Variants in SLC4A5 observed in about 807,000 individuals in gnomAD.
SLC4A5 encodes the protein solute carrier family 4 member 5.
In SLC4A5, 96 loss-of-function variants were observed where a neutral mutation model predicts 120.4. That is an observed-to-expected ratio of 0.80 (90% confidence interval 0.68 to 0.94). The LOEUF (loss-of-function observed/expected upper bound fraction) is 0.94, where lower values mean the gene tolerates loss of function less well. Ranked by LOEUF, SLC4A5 falls within the 40% of genes least tolerant of loss-of-function variation. The pLI is 0.00. For missense variants in SLC4A5, 1,259 were observed against 1,459.5 expected, an observed-to-expected ratio of 0.86 and a Z score of 2.24; for synonymous variants, 550 against 571.1, an observed-to-expected ratio of 0.96 and a Z score of 0.53.
intron 7 of SLC4A5, chr2:74,290,462 A>C: frequency 1.0e-6 from 1 of 985,508 alleles, no homozygotes; most frequent in Non-Finnish European, 1.2e-6. Context: ...GGAATGTGTG[A>C]AGGACTGGGG....
rs60945273 is a variant in SLC4A5 at position 74,220,841 on chromosome 2, C to CTT, written c.*33+591_*33+592dup. On this transcript the variant is annotated intron_variant, in intron 30 of 30. Transcript: ENST00000394019. ...TCTGTTTTCTGTCAATATTTCCTTT[C>CTT]TTTTTTTTTTTTTTTTTGAGATGGA... 7.2e-4 allele frequency among the ~76,000 whole-genome samples: 84 copies of CTT among 117,442 alleles called. 1 individual carries two copies. Among genetic ancestry groups the CTT allele is most frequent in the African/African-American group, 2.3e-3 (61 of 27,092 alleles). 77.0% of individuals were successfully genotyped at this position (117,442 alleles called of 152,430 possible). A position where few individuals can be genotyped will look rare whatever the true frequency, so the allele number is the denominator to read the frequency against.
At chr2:74,295,014 T>A (rs1223789533) in intron 7 of SLC4A5, among the ~76,000 whole-genome samples, 3 of 152,150 alleles carry the variant, frequency 2.0e-5, no homozygotes, top group Admixed American at 6.5e-5. Flanking sequence ...GACTGATAGA[T>A]GGTCTTTGTG....
chr2:74,294,563 T>C (rs999082349), intron 7 of SLC4A5, among the ~76,000 whole-genome samples: 3 of 152,152 alleles, frequency 2.0e-5, no homozygotes, highest in African/African-American at 7.2e-5. Flanking sequence ...AAGAGGGGTA[T>C]GGAGCCTAAT....
At chr2:74,227,114 T>C in exon 27 of SLC4A5, 1 of 1,612,744 alleles carries the variant, frequency 6.2e-7, no homozygotes, top group East Asian at 2.2e-5. Context: ...CAGGAAGAGC[T>C]TGCAGCGTTC....
intron 6 of SLC4A5, chr2:74,306,832 G>T: frequency 1.5e-6 from 1 of 656,406 alleles, no homozygotes. Flanking sequence ...CTGCTGTCCA[G>T]GGCATCACCA....
intron 25 of SLC4A5, among the ~76,000 whole-genome samples, chr2:74,230,180 G>A (rs79973837): frequency 6.6e-6 from 1 of 151,990 alleles, no homozygotes; most frequent in East Asian, 1.9e-4. Flanking sequence ...AAATAATATC[G>A]GCAAAAGGTT....
At chr2:74,302,342 C>T (rs761282675) in intron 7 of SLC4A5, among the ~76,000 whole-genome samples, 6 of 152,170 alleles carry the variant, frequency 3.9e-5, no homozygotes, top group Non-Finnish European at 8.8e-5. Flanking sequence ...AAGGGCTGGA[C>T]GTGGTGGCTC....
Position 74,278,297 on chromosome 2 carries a change from T to A in SLC4A5, c.401+7476A>T, listed in dbSNP as rs143233288. Among the ~76,000 whole-genome samples, 95 of 152,230 alleles carry A rather than the reference T, an allele frequency of 6.2e-4. 1 individual carries two copies. The highest frequency in any genetic ancestry group is 1.0e-3 in the Non-Finnish European group (71 of 67,982). ...TGAGTGCTCCAGTCCCTCCCATCTC[T>A]CCTCACTTAATTAGCCTTCCAATCT... On this transcript the variant is annotated intron_variant, in intron 8 of 30. Transcript: ENST00000394019.
At chr2:74,263,795 G>T (rs902883224) in intron 10 of SLC4A5, among the ~76,000 whole-genome samples, 3 of 152,212 alleles carry the variant, frequency 2.0e-5, no homozygotes, top group Admixed American at 1.3e-4. Context: ...AGAATCTCTT[G>T]GGGTGCATTC....
At chr2:74,218,255 CTA>C (rs1434830653) in exon 31 of SLC4A5, 1 of 151,880 alleles carries the variant, frequency 6.6e-6, no homozygotes, top group African/African-American at 2.4e-5. Flanking sequence ...TTGAGAACAT[CTA>C]TATTTAAATC....
intron 7 of SLC4A5, chr2:74,290,773 G>T (rs1222963155): frequency 1.0e-6 from 1 of 986,714 alleles, no homozygotes; most frequent in Non-Finnish European, 1.2e-6. Context: ...CAGCAGCAGG[G>T]GTGGTGGCAG....
chr2:74,217,761 C>G (rs1694489340), exon 31 of SLC4A5: 1 of 152,170 alleles, frequency 6.6e-6, no homozygotes, highest in Non-Finnish European at 1.5e-5. Flanking sequence ...CTGGGAAAGC[C>G]CCAGTCACAC....
intron 19 of SLC4A5, among the ~76,000 whole-genome samples, chr2:74,242,258 G>A (rs558990220): frequency 4.6e-5 from 7 of 152,344 alleles, no homozygotes; most frequent in Non-Finnish European, 1.0e-4. Context: ...TGACAGACCA[G>A]CTGGGCCAGG....
intron 12 of SLC4A5, 119 bp from the exon 13 acceptor site, chr2:74,256,051 G>T: frequency 9.0e-7 from 1 of 1,108,026 alleles, no homozygotes. Context: ...GTTGCCAAGA[G>T]ACTGAAAGAA....
chr2:74,250,686 G>A, intron 16 of SLC4A5, 169 bp from the exon 17 acceptor site: 1 of 772,978 alleles, frequency 1.3e-6, no homozygotes, highest in Non-Finnish European at 2.0e-6. Flanking sequence ...AATTCCTGTA[G>A]GACTGAGTTT....
intron 5 of SLC4A5, among the ~76,000 whole-genome samples, chr2:74,321,692 T>C (rs1306829064): frequency 6.6e-6 from 1 of 151,706 alleles, no homozygotes; most frequent in Non-Finnish European, 1.5e-5. Flanking sequence ...TCATCTAGCA[T>C]GTCTCCTACA....
At chr2:74,302,189 A>G (rs968779761) in intron 7 of SLC4A5, among the ~76,000 whole-genome samples, 2 of 152,180 alleles carry the variant, frequency 1.3e-5, no homozygotes, top group Non-Finnish European at 2.9e-5. Context: ...CATGGCCTAC[A>G]ATTCCCTGTC....
intron 25 of SLC4A5, among the ~76,000 whole-genome samples, chr2:74,230,459 C>T (rs916333843): frequency 7.2e-5 from 11 of 152,110 alleles, no homozygotes; most frequent in Admixed American, 7.2e-4. Context: ...ACTCGAGTCC[C>T]CAGACTTCCT....
exon 28 of SLC4A5, chr2:74,224,886 T>G (rs747438592): frequency 6.2e-7 from 1 of 1,614,120 alleles, no homozygotes; most frequent in Non-Finnish European, 8.5e-7. Context: ...CTTCCTCTTC[T>G]TGTCTGTCTC....
Sources: gnomAD v4.1 joint callset for allele counts (sites outside exome capture counted in the v4.1 genomes callset) on GRCh38, gnomAD v4.1.1 for gene constraint, MANE v1.5 for transcripts, NCBI Gene and HGNC (gene_info 2026-07-23, HGNC 2026-07-21) for gene names.